The following FGD5 variants were observed in gnomAD, a reference collection of about 807,000 sequenced individuals.
The protein encoded by FGD5 is FYVE, RhoGEF and PH domain containing 5, also known as FYVE, RhoGEF and PH domain-containing protein 5.
A neutral mutation model predicts 133.4 loss-of-function variants in FGD5; 28 were observed. That is an observed-to-expected ratio of 0.21 (90% CI 0.16 to 0.29). FGD5 has a LOEUF of 0.29. FGD5 is among the 10% of genes least tolerant of loss of function. FGD5 has a pLI of 1.00. For missense variants in FGD5, 1,858 were observed against 1,895.2 expected (o/e 0.98, Z 0.36); for synonymous variants, 810 against 776.5 (o/e 1.04, Z -0.72).
chr3:14,842,652 C>T (rs1158295279), intron 1 of FGD5, among the ~76,000 whole-genome samples: 1 of 152,216 alleles, frequency 6.6e-6, no homozygotes, highest in African/African-American at 2.4e-5. Context: ...CTGATGTTGT[C>T]TGGATTTTCC....
chr3:14,877,263 G>A (rs981754507), intron 2 of FGD5, among the ~76,000 whole-genome samples: 2 of 152,216 alleles, frequency 1.3e-5, no homozygotes, highest in African/African-American at 2.4e-5. Flanking sequence ...AGGCCTCCCC[G>A]TTGGCCGCCT....
chr3:14,833,380 G>T (rs1399916114), intron 1 of FGD5, among the ~76,000 whole-genome samples: 1 of 152,160 alleles, frequency 6.6e-6, no homozygotes, highest in African/African-American at 2.4e-5. Flanking sequence ...AGGCTTTCTT[G>T]TAAGATTTTA....
chr3:14,868,770 C>T (rs764367957), intron 2 of FGD5, among the ~76,000 whole-genome samples: 11 of 152,310 alleles, frequency 7.2e-5, no homozygotes, highest in Non-Finnish European at 1.3e-4. Context: ...AGTCCCTCCT[C>T]TTCTTCCACA....
intron 1 of FGD5, among the ~76,000 whole-genome samples, chr3:14,859,555 C>A (rs1052874770): frequency 1.3e-5 from 2 of 148,898 alleles, no homozygotes; most frequent in African/African-American, 5.0e-5. Flanking sequence ...GCGAGACCTC[C>A]CCCCAAAAAA....
At chr3:14,864,419 G>A (rs1331730165) in intron 2 of FGD5, among the ~76,000 whole-genome samples, 159 bp downstream of exon 2, 1 of 152,248 alleles carries the variant, frequency 6.6e-6, no homozygotes, top group Non-Finnish European at 1.5e-5. Context: ...AGGGCGCTAG[G>A]AAGCATCGCC....
At chr3:14,927,159 CAG>C (rs560636656) in intron 18 of FGD5, among the ~76,000 whole-genome samples, 41 of 152,342 alleles carry the variant, frequency 2.7e-4, no homozygotes, top group East Asian at 1.7e-3. Context: ...AGCAGGCAGA[CAG>C]GGGATCTGCC....
intron 11 of FGD5, among the ~76,000 whole-genome samples, chr3:14,912,263 G>A (rs1451165186): frequency 2.0e-5 from 3 of 152,268 alleles, no homozygotes; most frequent in African/African-American, 4.8e-5. Flanking sequence ...CCCGATGGCT[G>A]GTGGCCTCAG....
In FGD5 at chr3:14,854,400, T is replaced by TATTC. The variant is rs1394016013; in HGVS notation, c.2526-9725_2526-9724insCATT. ...TTTGTTTCTTTTCTTTTTATTTATT[T>TATTC]ATTTATTTATTTATTTATTTATTTA... On this transcript the variant is annotated intron_variant, in intron 1 of 19. Coordinates refer to ENST00000285046, the MANE Select transcript of FGD5 (RefSeq NM_152536.4). 7.5e-5 allele frequency among the ~76,000 whole-genome samples: 8 copies of TATTC among 107,116 alleles called. No individual in the cohort carries two copies. In the South Asian group the frequency reaches 2.2e-3, roughly 29 times the overall value. 70.3% of individuals were successfully genotyped at this position (107,116 alleles called of 152,430 possible).
In FGD5 at chr3:14,819,795, A is replaced by G. The variant is rs1352193678; in HGVS notation, c.724A>G (p.Met242Val). The G allele has an allele frequency of 1.9e-6, 3 of 1,576,014 alleles. No homozygotes were observed. In the South Asian group the frequency reaches 3.5e-5, roughly 18 times the overall value. Residue 242 changes from methionine to valine, a missense_variant, in exon 1 of 20, where the codon ATG (methionine) becomes GTG (valine). Met to Val is a conservative substitution (Grantham distance 21). Transcript: ENST00000285046. This position sits in a 1 kb window ranked among gnomAD's most constrained non-coding sequence, Gnocchi z 4.1. ...GSGPDRPTED[M>V]GQDAEDTSEE... Reference sequence around the variant, plus strand: ...GGGTCCTGACAGGCCCACGGAGGACATGGGACAGGATGCTGAGGACACCAG... The same window carrying G: ...GGGTCCTGACAGGCCCACGGAGGACGTGGGACAGGATGCTGAGGACACCAG...
At chr3:14,864,026 A>T in intron 1 of FGD5, 102 bp from the exon 2 acceptor site, 2 of 1,509,808 alleles carry the variant, frequency 1.3e-6, no homozygotes, top group Non-Finnish European at 9.0e-7. Flanking sequence ...GAGTCTTACT[A>T]CTTGTTTTCT....
chr3:14,869,402 C>A (rs1306112027), intron 2 of FGD5, among the ~76,000 whole-genome samples: 2 of 152,094 alleles, frequency 1.3e-5, no homozygotes, highest in African/African-American at 4.8e-5. Context: ...ACACAGAATG[C>A]CTTCATTTTT....
Position 14,819,631 on chromosome 3 carries a change from A to T in FGD5, c.560A>T (p.Glu187Val), listed in dbSNP as rs1268792339. ...SLEDSGPWAGEGVFQSDLLLP... is the reference protein window; with the variant it reads ...SLEDSGPWAGVGVFQSDLLLP... Reference sequence around the variant, plus strand: ...GAGGACAGTGGGCCTTGGGCTGGAGAGGGGGTCTTCCAGAGCGACCTCCTC... The same window carrying T: ...GAGGACAGTGGGCCTTGGGCTGGAGTGGGGGTCTTCCAGAGCGACCTCCTC... Residue 187 changes from glutamate to valine, a missense_variant, in exon 1 of 20, where the codon GAG becomes GTG. Coordinates refer to ENST00000285046, the MANE Select transcript of FGD5 (RefSeq NM_152536.4). This position sits in a 1 kb window ranked among gnomAD's most constrained non-coding sequence, Gnocchi z 4.1. The T allele has an allele frequency of 9.0e-6, 14 of 1,550,694 alleles. No homozygotes were observed. Among genetic ancestry groups the T allele is most frequent in the Non-Finnish European group, 1.2e-5 (14 of 1,146,714 alleles).
Position 14,864,118 on chromosome 3 carries a change from T to A in FGD5, c.2526-10T>A, listed in dbSNP as rs200520172. On this transcript the variant is annotated splice_polypyrimidine_tract_variant and intron_variant, in intron 1 of 19. Transcript: ENST00000285046. ...AAGCTTTAACCCTTCTTTCCCCTGC[T>A]TTGACCCAGCGCCTACACAGAGCCC... 42 of 1,610,860 alleles carry A rather than the reference T, an allele frequency of 2.6e-5. No homozygotes were observed. In the Admixed American group the frequency reaches 4.0e-4, roughly 15 times the overall value.
At chr3:14,893,752 C>CTTTTTTTTTTTTTTTTTTTTTTT (rs138741627) in intron 4 of FGD5, among the ~76,000 whole-genome samples, 26 of 95,048 alleles carry the variant, frequency 2.7e-4, no homozygotes, top group African/African-American at 5.3e-4. Flanking sequence ...TTTCTTTTTT[C>CTTTTTTTTTTTTTTTTTTTTTTT]TTTTTTTTTT....
intron 1 of FGD5, among the ~76,000 whole-genome samples, chr3:14,856,310 G>A (rs779261548): frequency 2.0e-5 from 3 of 152,072 alleles, no homozygotes; most frequent in Admixed American, 1.3e-4. Flanking sequence ...GTAATGTGGT[G>A]CCCCCAGCTT....
intron 2 of FGD5, among the ~76,000 whole-genome samples, chr3:14,865,119 A>C (rs2131571): frequency 0.68 from 95,352 of 140,590 alleles, 31,766 homozygotes; most frequent in African/African-American, 0.75. Flanking sequence ...CCCCCACCCA[A>C]CCCACCCATC....
intron 10 of FGD5, among the ~76,000 whole-genome samples, chr3:14,909,725 A>G (rs1469257240): frequency 3.3e-5 from 5 of 152,108 alleles, no homozygotes; most frequent in Admixed American, 1.3e-4. Context: ...CACAAATTCA[A>G]CATTGTGATA....
chr3:14,905,903 G>A (rs891177241), intron 9 of FGD5, among the ~76,000 whole-genome samples: 1 of 152,026 alleles, frequency 6.6e-6, no homozygotes, highest in African/African-American at 2.4e-5. Flanking sequence ...GAGGTAAATC[G>A]TATTTACCCC....
intron 1 of FGD5, among the ~76,000 whole-genome samples, chr3:14,841,320 C>T (rs1173532329): frequency 1.3e-5 from 2 of 152,096 alleles, no homozygotes; most frequent in Non-Finnish European, 1.5e-5. Flanking sequence ...ATGGAGTTAC[C>T]GTCTTAAAGT....
Sources: allele counts gnomAD v4.1 joint callset (sites outside exome capture counted in the v4.1 genomes callset), GRCh38; gene constraint gnomAD v4.1.1; non-coding constraint Gnocchi (gnomAD v3.1); transcripts MANE v1.5; gene names NCBI Gene and HGNC (gene_info 2026-07-23, HGNC 2026-07-21).